SGCD: variants seen among roughly 807,000 people sequenced by gnomAD.
SGCD encodes the protein sarcoglycan delta, also known as delta-sarcoglycan.
Under a neutral mutation model 36.6 loss-of-function variants are expected in SGCD, and 18 were observed. That is an observed-to-expected ratio of 0.49 (90% confidence interval 0.34 to 0.73). The LOEUF (loss-of-function observed/expected upper bound fraction) is 0.73, where lower values mean the gene tolerates loss of function less well. Ranked by LOEUF, SGCD falls within the 30% of genes least tolerant of loss-of-function variation. The pLI, the probability that SGCD is intolerant of heterozygous loss-of-function variation, is 0.01. For missense variants in SGCD, 387 were observed against 346.7 expected (o/e 1.12, Z -0.92); for synonymous variants, 133 against 130.6 (o/e 1.02, Z -0.12).
At chr5:155,866,702 C>G (rs377289125), upstream of SGCD, among the ~76,000 whole-genome samples, 1 of 152,152 alleles carries the variant, frequency 6.6e-6, no homozygotes, top group Non-Finnish European at 1.5e-5. Flanking sequence ...TCATTCCATC[C>G]TAACAGCAGG....
chr5:156,138,305 G>A (rs557876519), intron 3 of SGCD, among the ~76,000 whole-genome samples: 94 of 152,310 alleles, frequency 6.2e-4, no homozygotes, highest in African/African-American at 2.2e-3. Flanking sequence ...GGAGGCTGGG[G>A]CAGGAGAATC....
intron 3 of SGCD, among the ~76,000 whole-genome samples, chr5:156,252,890 A>G (rs1191362963): frequency 3.3e-5 from 5 of 152,226 alleles, no homozygotes; most frequent in African/African-American, 7.2e-5. Flanking sequence ...GGTCCCAGTT[A>G]GAAACTGACA....
chr5:156,467,224 C>T (rs924239779), intron 3 of SGCD, among the ~76,000 whole-genome samples: 5 of 152,048 alleles, frequency 3.3e-5, no homozygotes, highest in South Asian at 2.1e-4. Flanking sequence ...CTAAGAATTT[C>T]GTTTTTGGTA....
intron 6 of SGCD, among the ~76,000 whole-genome samples, chr5:156,606,439 G>A (rs187896630): frequency 1.4e-4 from 21 of 152,232 alleles, no homozygotes; most frequent in Admixed American, 1.2e-3. Context: ...TGCTGTTTTG[G>A]TTACTGTAGC....
chr5:156,352,364 C>T (rs1476574847), intron 3 of SGCD, among the ~76,000 whole-genome samples: 3 of 152,202 alleles, frequency 2.0e-5, no homozygotes, highest in Non-Finnish European at 4.4e-5. Context: ...CCAGCTTGAG[C>T]ACCCCAGCTG....
At chr5:156,608,534 G>C (rs1433371626) in intron 6 of SGCD, among the ~76,000 whole-genome samples, 1 of 152,196 alleles carries the variant, frequency 6.6e-6, no homozygotes, top group Non-Finnish European at 1.5e-5. Context: ...ATTTGGGGTG[G>C]AGAGTTCTGT....
intron 3 of SGCD, among the ~76,000 whole-genome samples, chr5:156,491,030 T>C (rs1001188546): frequency 6.6e-6 from 1 of 152,038 alleles, no homozygotes; most frequent in Admixed American, 6.6e-5. Flanking sequence ...ATTAGAAGTA[T>C]TTCTAAACAC....
In SGCD at chr5:156,402,839, C is replaced by T. The variant is rs143440388; in HGVS notation, c.192+58162C>T. Among the ~76,000 whole-genome samples the T allele has an allele frequency of 2.7e-3, 414 of 152,248 alleles. 2 individuals are homozygous for T. Among genetic ancestry groups the T allele is most frequent in the African/African-American group, 9.3e-3 (385 of 41,548 alleles). ...AGCACTAGGGCTCTTTGTGTTGATG[C>T]GGTCACCATGGTTACCGCGTTCCCC... On this transcript the variant is annotated intron_variant, in intron 3 of 8. Transcript: ENST00000337851.
intron 7 of SGCD, among the ~76,000 whole-genome samples, chr5:156,716,277 T>C (rs1755218761): frequency 6.6e-6 from 1 of 152,220 alleles, no homozygotes; most frequent in East Asian, 1.9e-4. Flanking sequence ...GGCATTATTT[T>C]ACTCAAACCT....
chr5:156,746,326 G>C (rs1211932272), intron 7 of SGCD, among the ~76,000 whole-genome samples: 2 of 152,070 alleles, frequency 1.3e-5, no homozygotes, highest in African/African-American at 4.8e-5. Flanking sequence ...ATCTATTCCA[G>C]AAAAACAAAA....
chr5:155,753,385 T>C, the SGCD span, among the ~76,000 whole-genome samples: 2 of 151,980 alleles, frequency 1.3e-5, no homozygotes, highest in Admixed American at 1.3e-4. Flanking sequence ...GCTCTGTTTG[T>C]TTTGTTTGTG....
chr5:156,116,844 A>C (rs1761917207), intron 1 of SGCD, among the ~76,000 whole-genome samples: 1 of 152,158 alleles, frequency 6.6e-6, no homozygotes, highest in South Asian at 2.1e-4. Context: ...CTCAATAAAT[A>C]ATAGTTTCTG....
upstream of SGCD, among the ~76,000 whole-genome samples, chr5:155,865,346 C>G (rs186372189): frequency 1.3e-5 from 2 of 152,148 alleles, no homozygotes; most frequent in African/African-American, 4.8e-5. Flanking sequence ...TAGAAAATAT[C>G]TAGATTCTTG....
At chr5:155,914,581 T>A (rs2113363401) in intron 1 of SGCD, among the ~76,000 whole-genome samples, 1 of 152,354 alleles carries the variant, frequency 6.6e-6, no homozygotes, top group African/African-American at 2.4e-5. Context: ...ATGAACATGA[T>A]AATTCAATGG....
intron 3 of SGCD, among the ~76,000 whole-genome samples, chr5:156,162,683 C>T (rs1274464814): frequency 1.3e-5 from 2 of 151,626 alleles, no homozygotes; most frequent in Non-Finnish European, 1.5e-5. Context: ...TCAACTGATG[C>T]CTTCTCCCTG....
intron 1 of SGCD, among the ~76,000 whole-genome samples, chr5:156,041,173 C>G (rs575864929): frequency 9.2e-5 from 14 of 152,210 alleles, no homozygotes; most frequent in African/African-American, 3.1e-4. Flanking sequence ...AGTTATAAAC[C>G]AATTGAAAAG....
chr5:156,273,389 G>A (rs1418004500), intron 3 of SGCD, among the ~76,000 whole-genome samples: 1 of 152,216 alleles, frequency 6.6e-6, no homozygotes, highest in Non-Finnish European at 1.5e-5. Context: ...GCAATGCCAA[G>A]ATTAGCGATA....
intron 7 of SGCD, chr5:156,738,524 T>A (rs1294893414): frequency 6.6e-6 from 1 of 152,216 alleles, no homozygotes; most frequent in Admixed American, 6.5e-5. Flanking sequence ...TTTTCCTCTC[T>A]CATAGTTGTT....
chr5:156,087,264 T>G (rs1761121717), intron 1 of SGCD, among the ~76,000 whole-genome samples: 1 of 152,172 alleles, frequency 6.6e-6, no homozygotes, highest in African/African-American at 2.4e-5. Flanking sequence ...GCTAATGAGA[T>G]ATTTCCCAAG....
Sources: allele counts gnomAD v4.1 joint callset (sites outside exome capture counted in the v4.1 genomes callset), GRCh38; gene constraint gnomAD v4.1.1; transcripts MANE v1.5; gene names NCBI Gene and HGNC (gene_info 2026-07-23, HGNC 2026-07-21).